Variants in QTGAL observed in about 807,000 individuals in gnomAD.
QTGAL encodes the protein queuosine-tRNA galactosyltransferase.
the QTGAL span, among the ~76,000 whole-genome samples, chr17:83,014,937 A>T: frequency 1.3e-5 from 2 of 152,290 alleles, no homozygotes; most frequent in South Asian, 4.1e-4. Context: ...AGTGTACTTA[A>T]TTAGGCAGAA....
the QTGAL span, among the ~76,000 whole-genome samples, chr17:83,042,150 T>G: frequency 5.9e-5 from 9 of 152,300 alleles, no homozygotes; most frequent in Non-Finnish European, 1.3e-4. Context: ...GTGGATCACT[T>G]GAGTCCAGGA....
At chr17:82,950,299 G>A in the QTGAL span, among the ~76,000 whole-genome samples, 5 of 152,132 alleles carry the variant, frequency 3.3e-5, no homozygotes, top group East Asian at 5.8e-4. Context: ...TCATATGAGT[G>A]CCCCAAGATA....
At chr17:83,017,759 G>A in the QTGAL span, among the ~76,000 whole-genome samples, 16 of 151,992 alleles carry the variant, frequency 1.1e-4, no homozygotes, top group East Asian at 5.8e-4. Context: ...CATGTGCTCC[G>A]TGAACATGGT....
At chr17:83,008,777 T>A in the QTGAL span, among the ~76,000 whole-genome samples, 4 of 151,996 alleles carry the variant, frequency 2.6e-5, no homozygotes, top group Non-Finnish European at 5.9e-5. Flanking sequence ...ATTGAGCGAG[T>A]GCGCGGGCTC....
At chr17:83,043,016 G>T in the QTGAL span, among the ~76,000 whole-genome samples, 1 of 152,226 alleles carries the variant, frequency 6.6e-6, no homozygotes, top group Non-Finnish European at 1.5e-5. Flanking sequence ...TAACAAGAGG[G>T]TCACAAAATT....
chr17:82,996,465 T>G, the QTGAL span, among the ~76,000 whole-genome samples: 1 of 148,168 alleles, frequency 6.7e-6, no homozygotes, highest in Admixed American at 6.9e-5. Context: ...GAGGTTGCAG[T>G]GAGCCGAGAA....
At chr17:83,032,027 A>G in the QTGAL span, among the ~76,000 whole-genome samples, 1 of 152,154 alleles carries the variant, frequency 6.6e-6, no homozygotes, top group Non-Finnish European at 1.5e-5. Context: ...GAAGCTGAAC[A>G]ACCGGGTCAG....
At chr17:82,981,370 G>A in the QTGAL span, 3 of 152,282 alleles carry the variant, frequency 2.0e-5, no homozygotes. Context: ...CTGCGAGGGT[G>A]AGACCTGCAT....
chr17:83,035,095 T>C, the QTGAL span: 7 of 1,611,570 alleles, frequency 4.3e-6, no homozygotes, highest in Non-Finnish European at 5.1e-6. Flanking sequence ...TTTTAGCGTA[T>C]CCGACTGTGG....
chr17:83,005,875 C>T, the QTGAL span: 1 of 1,381,942 alleles, frequency 7.2e-7, no homozygotes, highest in East Asian at 2.7e-5. This position sits in a 1 kb window ranked among gnomAD's most constrained non-coding sequence, Gnocchi z 5.6. Context: ...CGGCCCCCTC[C>T]AGCCTGACCT....
chr17:82,963,983 G>A, the QTGAL span, among the ~76,000 whole-genome samples: 1 of 150,452 alleles, frequency 6.6e-6, no homozygotes, highest in African/African-American at 2.5e-5. Context: ...TTGGTTGGGT[G>A]TGGTGGCTCA....
the QTGAL span, among the ~76,000 whole-genome samples, chr17:82,967,840 T>C: frequency 6.6e-6 from 1 of 151,694 alleles, no homozygotes. Context: ...GAGGCTGAGG[T>C]GGGAGGATCC....
chr17:82,960,347 G>T, the QTGAL span: 1 of 152,384 alleles, frequency 6.6e-6, no homozygotes, highest in East Asian at 1.9e-4. Flanking sequence ...AGACTCCGGG[G>T]GCCCTGAGTA....
chr17:82,993,666 T>C, the QTGAL span, among the ~76,000 whole-genome samples: 2 of 152,062 alleles, frequency 1.3e-5, no homozygotes, highest in Non-Finnish European at 2.9e-5. Flanking sequence ...ATTTCCTCCA[T>C]TGGCTGCGGA....
At chr17:83,015,929 T>A in the QTGAL span, among the ~76,000 whole-genome samples, 1 of 152,184 alleles carries the variant, frequency 6.6e-6, no homozygotes, top group Non-Finnish European at 1.5e-5. This position sits in a 1 kb window ranked among gnomAD's most constrained non-coding sequence, Gnocchi z 4.4. Flanking sequence ...CCAAAAAGGC[T>A]GGGGACCACG....
chr17:83,014,430 G>A, the QTGAL span: 16 of 1,608,250 alleles, frequency 9.9e-6, no homozygotes, highest in East Asian at 1.3e-4. Context: ...AGGTAGTAAC[G>A]ACACTAAGGA....
chr17:82,956,955 CCTGACACCCGA>C, the QTGAL span: 3 of 941,646 alleles, frequency 3.2e-6, no homozygotes, highest in South Asian at 1.5e-5. This position sits in a 1 kb window ranked among gnomAD's most constrained non-coding sequence, Gnocchi z 5.7. Context: ...GCCACCCCCG[CCTGACACCCGA>C]CTGCAGAACT....
the QTGAL span, among the ~76,000 whole-genome samples, chr17:82,985,960 C>T: frequency 7.2e-5 from 11 of 152,344 alleles, no homozygotes; most frequent in East Asian, 2.1e-3. Flanking sequence ...CCCAGGAGGG[C>T]TCCTCAGGAG....
chr17:82,974,181 C>T, the QTGAL span, among the ~76,000 whole-genome samples: 1 of 152,238 alleles, frequency 6.6e-6, no homozygotes, highest in Non-Finnish European at 1.5e-5. Flanking sequence ...CCCACTTCCA[C>T]TCTCCTGGTC....
Sources: gnomAD v4.1 joint callset for allele counts (sites outside exome capture counted in the v4.1 genomes callset) on GRCh38, gnomAD v4.1.1 for gene constraint, Gnocchi (gnomAD v3.1) non-coding constraint, MANE v1.5 for transcripts, NCBI Gene and HGNC (gene_info 2026-07-23, HGNC 2026-07-21) for gene names.